Variants in DCAF15 observed in about 807,000 individuals in gnomAD.
DCAF15 encodes DDB1 and CUL4 associated factor 15.
A neutral mutation model predicts 68.0 loss-of-function variants in DCAF15; 24 were observed. That is an observed-to-expected ratio of 0.35 (90% CI 0.26 to 0.50). DCAF15 has a LOEUF of 0.50. DCAF15 is among the 20% of genes least tolerant of loss of function. The pLI is 0.98. For missense variants in DCAF15, 627 were observed against 830.6 expected (o/e 0.75, Z 3.01); for synonymous variants, 376 against 341.6 (o/e 1.10, Z -1.11).
Position 13,960,307 on chromosome 19 carries a change from G to C in DCAF15, c.1547G>C (p.Ser516Thr). Residue 516 changes from serine (S) to threonine (T), a missense_variant, in exon 11 of 13, where the codon AGC becomes ACC. Physicochemically the swap from Ser to Thr is moderately conservative, Grantham distance 58. Transcript: ENST00000254337. ...TGTAGACCAAAGACCTATCACACCA[G>C]CCTCAAGGTGGCATGGGACCTCAAC... ...GQLRPKTYHT[S>T]LKVAWDLNTG... 2 of 1,614,068 alleles carry C rather than the reference G, an allele frequency of 1.2e-6. No homozygotes were observed. The highest frequency in any genetic ancestry group is 1.7e-6 in the Non-Finnish European group (2 of 1,180,024).
chr19:13,954,285 AG>A, intron 1 of DCAF15, 54 bp from the exon 2 acceptor site: 4 of 1,490,864 alleles, frequency 2.7e-6, no homozygotes, highest in East Asian at 2.3e-5. Context: ...GCCGTGGGTG[AG>A]GGGGCTGGGG....
Position 13,961,030 on chromosome 19 carries a change from C to G in DCAF15, c.*35C>G. 5 of 1,612,574 alleles carry G rather than the reference C, an allele frequency of 3.1e-6. No homozygotes were observed. Among genetic ancestry groups the G allele is most frequent in the Non-Finnish European group, 4.2e-6 (5 of 1,179,852 alleles). On this transcript the variant is annotated 3_prime_UTR_variant, in exon 13 of 13. Transcript: ENST00000254337. ...CGCCCCGGACACTGACTCCAACTAC[C>G]TCCGTGGCCTGGGACCGGCCCCCTT...
rs1337432946 is a variant in DCAF15 at position 13,954,774 on chromosome 19, G to A, written c.366+113G>A. On this transcript the variant is annotated intron_variant, in intron 3 of 12. Coordinates refer to ENST00000254337, the MANE Select transcript of DCAF15 (RefSeq NM_138353.4). ...TAAAATGATCATCATGTACTCCTGG[G>A]GTCATCATCAAGATTCCATGTGTTA... 3.4e-6 allele frequency: 4 copies of A among 1,175,144 alleles called. No individual in the cohort carries two copies. The East Asian group carries it at 7.1e-5, about 21-fold the overall frequency. 72.8% of individuals were successfully genotyped at this position (1,175,144 alleles called of 1,614,324 possible). A position where few individuals can be genotyped will look rare whatever the true frequency, so the allele number is the denominator to read the frequency against.
At chr19:13,960,681 TGAG>T (rs1156928751) in intron 12 of DCAF15, 101 bp downstream of exon 12, 8 of 1,251,658 alleles carry the variant, frequency 6.4e-6, no homozygotes, top group African/African-American at 1.5e-5. Flanking sequence ...GGAAGGCTGG[TGAG>T]GAGAGGGCAG....
chr19:13,960,111 C>A, intron 10 of DCAF15, 42 bp downstream of exon 10: 1 of 1,605,966 alleles, frequency 6.2e-7, no homozygotes, highest in Non-Finnish European at 8.5e-7. Context: ...CTAGGGGGGC[C>A]ACTGGCAGAC....
rs1973533610 is a variant in DCAF15 at position 13,959,908 on chromosome 19, C to CGGGCAGGGTGGGCCCAGGGT, written c.1440+32_1440+33insTGGGCAGGGTGGGCCCAGGG. 1.3e-5 allele frequency: 15 copies of CGGGCAGGGTGGGCCCAGGGT among 1,111,344 alleles called. No individual in the cohort carries two copies. Among genetic ancestry groups the CGGGCAGGGTGGGCCCAGGGT allele is most frequent in the South Asian group, 7.3e-5 (6 of 82,058 alleles). 68.8% of individuals were successfully genotyped at this position (1,111,344 alleles called of 1,614,324 possible). On this transcript the variant is annotated intron_variant, in intron 9 of 12. Transcript: ENST00000254337. ...CGTCATTCTGGAGGTGGGCCCAGGGCGGGCAGGGTGGGCCCAGGGCCTCCT... is the reference window on the plus strand; with the variant it reads ...CGTCATTCTGGAGGTGGGCCCAGGGCGGGCAGGGTGGGCCCAGGGTGGGCAGGGTGGGCCCAGGGCCTCCT...
chr19:13,960,136 G>A lies in DCAF15; in HGVS notation c.1526+67G>A, dbSNP rs1037571986. The A allele has an allele frequency of 2.5e-6, 4 of 1,592,550 alleles. No individual in the cohort carries two copies. In the Admixed American group the frequency reaches 6.9e-5, roughly 27 times the overall value. The stretch of plus-strand genomic sequence containing the variant: ...CACTGGCAGACACTTCACGGTGGGG[G>A]TGTGGGGACGTGAGAAGGCTCTCCC... On this transcript the variant is annotated intron_variant, in intron 10 of 12. Transcript: ENST00000254337.
intron 1 of DCAF15, among the ~76,000 whole-genome samples, chr19:13,954,087 G>A (rs1973228220): frequency 6.6e-6 from 1 of 152,208 alleles, no homozygotes. Flanking sequence ...AGGGACCTGA[G>A]GCTGAAGAGG....
rs1012521723 is a variant in DCAF15, at chr19:13,956,139, G to A, written c.490G>A (p.Gly164Arg). The stretch of plus-strand genomic sequence containing the variant: ...GGCCCCCAGCACCCGCTCGGCCAAC[G>A]GGATGCTCATGAACATGATGATGAT... ...VFGFNTRSANGMLMNMMMMSD... is the reference protein window; with the variant it reads ...VFGFNTRSANRMLMNMMMMSD... Residue 164 changes from glycine (G) to arginine (R), a missense_variant, in exon 5 of 13, where the codon GGG becomes AGG. Gly to Arg is a moderately radical substitution (Grantham distance 125). Transcript: ENST00000254337. 9.3e-6 allele frequency: 15 copies of A among 1,609,384 alleles called. No homozygotes were observed. The highest frequency in any genetic ancestry group is 1.3e-5 in the African/African-American group (1 of 74,864).
rs759904298 is a variant in DCAF15 at position 13,955,991 on chromosome 19, C to T, written c.446C>T (p.Ala149Val). The change falls in exon 4 of 13, where the codon GCC (alanine) becomes GTC (valine). Residue 149 changes from alanine (A) to valine (V), a missense_variant. Around this residue, in one of 3 missense-constraint regions of DCAF15, gnomAD observed 273 missense variants for 393.7 expected, o/e 0.69. Coordinates refer to ENST00000254337, the MANE Select transcript of DCAF15 (RefSeq NM_138353.4). ...ACCGTATGCGAGTGGCCCAGCGACG[C>T]CTCCAAGGTCATCGTCTTCGGCTTC... ...YLTVCEWPSD[A>V]SKVIVFGFNT... 1 of 1,613,764 alleles carries T rather than the reference C, an allele frequency of 6.2e-7. No homozygotes were observed. The highest frequency in any genetic ancestry group is 8.5e-7 in the Non-Finnish European group (1 of 1,180,010).
chr19:13,957,831 G>A (rs1245380537), intron 6 of DCAF15, among the ~76,000 whole-genome samples: 1 of 151,978 alleles, frequency 6.6e-6, no homozygotes, highest in East Asian at 1.9e-4. Context: ...AGGTTGCAGT[G>A]AGCCGAGATT....
rs915422007 is a variant in DCAF15 at position 13,961,232 on chromosome 19, C to T, written c.*237C>T. 7 of 581,836 alleles carry T rather than the reference C, an allele frequency of 1.2e-5. No homozygotes were observed. Among genetic ancestry groups the T allele is most frequent in the African/African-American group, 5.6e-5 (3 of 53,540 alleles). 36.0% of individuals were successfully genotyped at this position (581,836 alleles called of 1,614,324 possible). ...GAGAGGGCGCCCCCTGCCCCACCAG[C>T]CTGAGTGCCCCGCCTTCACCCCGAG... On this transcript the variant is annotated 3_prime_UTR_variant, in exon 13 of 13. Coordinates refer to ENST00000254337, the MANE Select transcript of DCAF15 (RefSeq NM_138353.4).
intron 12 of DCAF15, 64 bp downstream of exon 12, chr19:13,960,644 G>T (rs1973586399): frequency 1.2e-5 from 17 of 1,437,868 alleles, no homozygotes; most frequent in Non-Finnish European, 1.6e-5. Context: ...CCCAGGAGCT[G>T]ATTCCTGAGC....
At position 13,956,337 on chromosome 19, in the gene DCAF15, CGT is replaced by C; in HGVS notation, c.614-10_614-9del. On this transcript the variant is annotated splice_polypyrimidine_tract_variant and intron_variant, in intron 5 of 12. Transcript: ENST00000254337. ...CCGGGCCGAGAGTGAGCTGCTGTGG[CGT>C]GTGTTGCTACAGGAGACCCGAATGC... is the stretch of plus-strand genomic sequence containing the variant. The C allele has an allele frequency of 1.2e-6, 2 of 1,613,302 alleles. No homozygotes were observed. The highest frequency in any genetic ancestry group is 1.7e-6 in the Non-Finnish European group (2 of 1,179,794).
chr19:13,958,863 A>G (rs902562064), intron 6 of DCAF15, among the ~76,000 whole-genome samples, 182 bp from the exon 7 acceptor site: 2 of 152,136 alleles, frequency 1.3e-5, no homozygotes, highest in Non-Finnish European at 2.9e-5. Flanking sequence ...GTCTGCACGC[A>G]TGAATGCGTG....
chr19:13,960,795 G>T, intron 12 of DCAF15, 145 bp from the exon 13 acceptor site: 1 of 1,055,230 alleles, frequency 9.5e-7, no homozygotes, highest in South Asian at 1.4e-5. Context: ...CATTTATTGG[G>T]TAGCTGCAGG....
intron 12 of DCAF15, 105 bp from the exon 13 acceptor site, chr19:13,960,835 C>T (rs562229123): frequency 1.0e-4 from 147 of 1,460,430 alleles, no homozygotes; most frequent in Non-Finnish European, 1.3e-4. Flanking sequence ...CAGCAGGGTC[C>T]CTGCCTTCTG....
chr19:13,960,747 C>T (rs1021202281), intron 12 of DCAF15, among the ~76,000 whole-genome samples, 167 bp downstream of exon 12: 3 of 152,210 alleles, frequency 2.0e-5, no homozygotes, highest in African/African-American at 4.8e-5. Context: ...TGGGAGCCTC[C>T]CACCAGTCAT....
chr19:13,960,060 G>C lies in DCAF15; in HGVS notation c.1517G>C (p.Gly506Ala), dbSNP rs1348351972. 6.2e-7 allele frequency: 1 copy of C among 1,613,552 alleles called. No individual in the cohort carries two copies. Among genetic ancestry groups the C allele is most frequent in the Non-Finnish European group, 8.5e-7 (1 of 1,180,002 alleles). ...LLAFPSPTEE[G>A]QLRPKTYHTS... is the part of the protein sequence containing the mutation. ...GCCTTCCCGTCCCCCACTGAGGAGG[G>C]CCAGCTCCGGTGAGCGCGGGGATCC... Residue 506 changes from glycine to alanine, a missense_variant, in exon 10 of 13, where the codon GGC (glycine) becomes GCC (alanine). Around this residue, in one of 3 missense-constraint regions of DCAF15, gnomAD observed 118 missense variants for 211.8 expected, o/e 0.56. Coordinates refer to ENST00000254337, the MANE Select transcript of DCAF15 (RefSeq NM_138353.4).
Sources: gnomAD v4.1 joint callset for allele counts (sites outside exome capture counted in the v4.1 genomes callset) on GRCh38, gnomAD v4.1.1 for gene constraint, gnomAD v4.1.1 regional missense constraint, MANE v1.5 for transcripts, NCBI Gene and HGNC (gene_info 2026-07-23, HGNC 2026-07-21) for gene names.